The following PIEZO1 variants were observed in gnomAD, a reference collection of about 807,000 sequenced individuals.
PIEZO1 encodes the protein piezo type mechanosensitive ion channel component 1 (Er blood group).
Under a neutral mutation model 297.2 loss-of-function variants are expected in PIEZO1, and 296 were observed. The ratio of observed to expected loss-of-function variants is 1.00; its 90% CI spans 0.91 to 1.10. The LOEUF is 1.10. Ranked by LOEUF, PIEZO1 falls within the 50% of genes least tolerant of loss-of-function variation. PIEZO1 has a pLI of 0.00. For synonymous variants in PIEZO1, 2,427 were observed against 1,507.5 expected (o/e 1.61, Z -14.13); for missense variants, 5,018 against 3,455.5 (o/e 1.45, Z -11.34).
rs1194245292 is a variant in PIEZO1 at position 88,719,901 on chromosome 16, G to A, written c.6224C>T (p.Ala2075Val). Residue 2075 changes from alanine (A) to valine (V), a missense_variant, in exon 43 of 51, where the codon GCC becomes GTC. Transcript: ENST00000301015. Reference sequence around the variant, plus strand: ...GCAGCGGATCTGGTAGGCGGACAGGGCGAAGTAGATGCACTTCACGAAGTA... The same window carrying A: ...GCAGCGGATCTGGTAGGCGGACAGGACGAAGTAGATGCACTTCACGAAGTA... ...LWYFVKCIYF[A>V]LSAYQIRCGY... 1 of 1,550,446 alleles carries A rather than the reference G, an allele frequency of 6.4e-7. No homozygotes were observed. Among genetic ancestry groups the A allele is most frequent in the Admixed American group, 2.0e-5 (1 of 51,012 alleles).
chr16:88,760,830 G>A (rs991009733), intron 1 of PIEZO1, among the ~76,000 whole-genome samples: 4 of 152,244 alleles, frequency 2.6e-5, no homozygotes, highest in Non-Finnish European at 5.9e-5. Flanking sequence ...CAGCAGCCTG[G>A]GGCACTGAGG....
rs903199860 is a variant in PIEZO1 at position 88,733,350 on chromosome 16, G to A, written c.2592C>T (p.Val864=). ...GGTACAGCATCTTACACACGATGAT[G>A]ACGCAGGTCCACACGGTGGACAGGC... ...ASCLSTVWTC[V]IIVCKMLYQL... is the part of the protein sequence containing the mutation. The change falls in exon 19 of 51, where the codon GTC becomes GTT. Residue 864 remains valine (V), a synonymous_variant. Coordinates refer to ENST00000301015, the MANE Select transcript of PIEZO1 (RefSeq NM_001142864.4). 12 of 1,550,122 alleles carry A rather than the reference G, an allele frequency of 7.7e-6. No individual in the cohort carries two copies. The African/African-American group carries it at 1.4e-4, about 18-fold the overall frequency.
chr16:88,722,453 A>G (rs1180858624), intron 35 of PIEZO1, 56 bp from the exon 36 acceptor site: 2 of 1,457,580 alleles, frequency 1.4e-6, no homozygotes, highest in East Asian at 2.5e-5. Flanking sequence ...ACCCCAGGCT[A>G]CAGGGAGGGT....
At position 88,717,993 on chromosome 16, in the gene PIEZO1, G is replaced by A. The variant is rs369727463; in HGVS notation, c.6472-782C>T. The A allele has an allele frequency of 2.4e-3, 813 of 333,982 alleles. 6 individuals are homozygous for A. The highest frequency in any genetic ancestry group is 8.3e-3 in the East Asian group (99 of 11,964). 20.7% of individuals were successfully genotyped at this position (333,982 alleles called of 1,614,324 possible). A position where few individuals can be genotyped will look rare whatever the true frequency, so the allele number is the denominator to read the frequency against. ...AGCTACTCGGGAGGCTGAGGTGGGA[G>A]AATCGCTTGAACCTGGGAGGCAGAG... On this transcript the variant is annotated intron_variant, in intron 44 of 50. Coordinates refer to ENST00000301015, the MANE Select transcript of PIEZO1 (RefSeq NM_001142864.4).
At position 88,738,669 on chromosome 16, in the gene PIEZO1, G is replaced by A. The variant is rs1243477244; in HGVS notation, c.533C>T (p.Pro178Leu). Residue 178 changes from proline (P) to leucine (L), a missense_variant, in exon 6 of 51, where the codon CCT (proline) becomes CTT (leucine). Physicochemically the swap from Pro to Leu is moderately conservative, Grantham distance 98 (BLOSUM62 -3). Coordinates refer to ENST00000301015, the MANE Select transcript of PIEZO1 (RefSeq NM_001142864.4). The part of the protein sequence containing the change: ...AGLQEAATLA[P>L]TRRSRLAARF... Reference sequence around the variant, plus strand: ...AGCGGCCAGCCGTGACCTCCGTGTAGGGGCCAGCGTTGCTGCTTCCTGCAG... The same window carrying A: ...AGCGGCCAGCCGTGACCTCCGTGTAAGGGCCAGCGTTGCTGCTTCCTGCAG... The A allele has an allele frequency of 6.5e-7, 1 of 1,535,464 alleles. No homozygotes were observed. Among genetic ancestry groups the A allele is most frequent in the South Asian group, 1.2e-5 (1 of 84,056 alleles).
At chr16:88,767,808 C>CTAA in intron 1 of PIEZO1, among the ~76,000 whole-genome samples, 1 of 152,212 alleles carries the variant, frequency 6.6e-6, no homozygotes, top group Non-Finnish European at 1.5e-5. Context: ...CCTACAGCCC[C>CTAA]GAGTCAGGAC....
intron 21 of PIEZO1, among the ~76,000 whole-genome samples, chr16:88,732,112 G>T (rs1396128622): frequency 2.0e-5 from 3 of 150,584 alleles, no homozygotes; most frequent in African/African-American, 7.3e-5. Flanking sequence ...GGCTCCAGGA[G>T]GTGGGCTGTA....
rs564623447 is a variant in PIEZO1 at position 88,731,876 on chromosome 16, T to A, written c.3026A>T (p.Gln1009Leu). 17 of 1,130,566 alleles carry A rather than the reference T, an allele frequency of 1.5e-5. No homozygotes were observed. In the South Asian group the frequency reaches 2.6e-4, roughly 18 times the overall value. 70.0% of individuals were successfully genotyped at this position (1,130,566 alleles called of 1,614,324 possible). The part of the protein sequence containing the change: ...CFLMAVNVIG[Q>L]RMNFLVTLHG... ...CAGGGTCACCAGAAAGTTCATGCGC[T>A]GCCCGATCACGTTCACGGCCATCAG... The change falls in exon 22 of 51, where the codon CAG becomes CTG. Residue 1009 changes from glutamine to leucine, a missense_variant. Coordinates refer to ENST00000301015, the MANE Select transcript of PIEZO1 (RefSeq NM_001142864.4).
In PIEZO1 at chr16:88,726,700, G is replaced by A. The variant is rs1451421699; in HGVS notation, c.3699+15C>T. The A allele has an allele frequency of 6.5e-7, 1 of 1,548,748 alleles. No homozygotes were observed. The highest frequency in any genetic ancestry group is 1.2e-5 in the South Asian group (1 of 84,012). On this transcript the variant is annotated intron_variant, in intron 25 of 50. Transcript: ENST00000301015. Reference sequence around the variant, plus strand: ...GGGCCCCAGGGCGGTGGGTGCGGGGGGGCCGGAGGCTCACCGACAGCATGT... The same window carrying A: ...GGGCCCCAGGGCGGTGGGTGCGGGGAGGCCGGAGGCTCACCGACAGCATGT...
At chr16:88,732,943 G>C (rs1018771499) in intron 19 of PIEZO1, 13 of 593,082 alleles carry the variant, frequency 2.2e-5, no homozygotes, top group Non-Finnish European at 3.6e-5. Flanking sequence ...GGAGTGAAGA[G>C]AGGTCCAGGG....
At chr16:88,771,280 G>A (rs1907414051) in intron 1 of PIEZO1, among the ~76,000 whole-genome samples, 1 of 152,240 alleles carries the variant, frequency 6.6e-6, no homozygotes, top group Admixed American at 6.5e-5. Flanking sequence ...AAGTGCTGGA[G>A]GCTCAGAGAG....
chr16:88,743,737 G>A (rs970438426), intron 2 of PIEZO1: 4 of 431,014 alleles, frequency 9.3e-6, no homozygotes, highest in Admixed American at 2.5e-5. Context: ...CCTCACGGAT[G>A]CCCAGGACTC....
intron 1 of PIEZO1, among the ~76,000 whole-genome samples, chr16:88,764,408 T>C (rs908590692): frequency 2.6e-5 from 4 of 152,142 alleles, no homozygotes; most frequent in African/African-American, 9.7e-5. Flanking sequence ...TGTTCTAAAG[T>C]GTCCTCTGGG....
Position 88,743,229 on chromosome 16 carries a change from AG to A in PIEZO1, c.161-808del, listed in dbSNP as rs774846154. On this transcript the variant is annotated intron_variant, in intron 2 of 50. Coordinates refer to ENST00000301015, the MANE Select transcript of PIEZO1 (RefSeq NM_001142864.4). ...CACCCTGTGGCTGGGGGCACTCAGGAGCCCTGGCTTCACCTCTGCTCTCGGC... is the reference window on the plus strand; with the variant it reads ...CACCCTGTGGCTGGGGGCACTCAGGACCCTGGCTTCACCTCTGCTCTCGGC... 1.3e-4 allele frequency: 58 copies of A among 456,418 alleles called. 1 individual carries two copies. Among genetic ancestry groups the A allele is most frequent in the South Asian group, 8.7e-4 (56 of 64,560 alleles). The allele number at this position is 456,418 out of a possible 1,614,324, so 28.3% of individuals were successfully genotyped here.
At chr16:88,744,237 G>C (rs6500498) in intron 2 of PIEZO1, 48,539 of 154,680 alleles carry the variant, frequency 0.31, 9,322 homozygotes, top group East Asian at 0.65. Context: ...GGGAACCTGG[G>C]CTGTGAGTCC....
intron 17 of PIEZO1, 74 bp from the exon 18 acceptor site, chr16:88,733,819 G>A: frequency 6.8e-7 from 1 of 1,466,258 alleles, no homozygotes; most frequent in East Asian, 2.5e-5. Flanking sequence ...AGGCTCTGGA[G>A]CCCAGAGGGG....
intron 1 of PIEZO1, among the ~76,000 whole-genome samples, chr16:88,784,261 C>T (rs1233475232): frequency 2.0e-5 from 3 of 152,256 alleles, no homozygotes. Context: ...CGGCCCCCGC[C>T]CCTGCGAAAC....
chr16:88,766,197 A>G (rs1243653133), intron 1 of PIEZO1, among the ~76,000 whole-genome samples: 1 of 152,130 alleles, frequency 6.6e-6, no homozygotes, highest in Non-Finnish European at 1.5e-5. Context: ...TTAAAATGAG[A>G]TTGATTTAAA....
intron 44 of PIEZO1, chr16:88,718,509 A>G (rs991072378): frequency 6.6e-6 from 1 of 152,270 alleles, no homozygotes; most frequent in Non-Finnish European, 1.5e-5. Flanking sequence ...CATAAACAGG[A>G]AGGCCATACT....
Sources: allele counts gnomAD v4.1 joint callset (sites outside exome capture counted in the v4.1 genomes callset), GRCh38; gene constraint gnomAD v4.1.1; transcripts MANE v1.5; gene names NCBI Gene and HGNC (gene_info 2026-07-23, HGNC 2026-07-21).